The following DLG2 variants were observed in gnomAD, a reference collection of about 807,000 sequenced individuals.
DLG2 encodes discs large MAGUK scaffold protein 2.
A neutral mutation model predicts 132.5 loss-of-function variants in DLG2; 45 were observed. That is an observed-to-expected ratio of 0.34 (90% CI 0.27 to 0.44). The LOEUF is 0.44. Ranked by LOEUF, DLG2 falls within the 20% of genes least tolerant of loss-of-function variation. The pLI, the probability that DLG2 is intolerant of heterozygous loss-of-function variation, is 1.00. For synonymous variants in DLG2, 424 were observed against 419.6 expected (o/e 1.01, Z -0.13); for missense variants, 1,045 against 1,196.9 (o/e 0.87, Z 1.87).
chr11:85,407,546 G>A (rs1412511312), intron 3 of DLG2, among the ~76,000 whole-genome samples: 1 of 151,868 alleles, frequency 6.6e-6, no homozygotes, highest in Non-Finnish European at 1.5e-5. Flanking sequence ...TCCTTCTGAA[G>A]TGGACTAGGA....
intron 6 of DLG2, among the ~76,000 whole-genome samples, chr11:84,823,922 C>T (rs1454331664): frequency 6.6e-6 from 1 of 151,838 alleles, no homozygotes; most frequent in Non-Finnish European, 1.5e-5. Flanking sequence ...ACGGCTCTGT[C>T]CATTACTGCA....
intron 14 of DLG2, among the ~76,000 whole-genome samples, chr11:83,931,782 A>G (rs561846825): frequency 6.6e-6 from 1 of 152,310 alleles, no homozygotes; most frequent in South Asian, 2.1e-4. Context: ...TGGTGTTTGG[A>G]GCAGGCTTTA....
At chr11:85,543,536 G>T (rs2076109228) in intron 3 of DLG2, among the ~76,000 whole-genome samples, 1 of 152,262 alleles carries the variant, frequency 6.6e-6, no homozygotes. Flanking sequence ...GGTATTTCTA[G>T]TTCTAGATCC....
intron 3 of DLG2, among the ~76,000 whole-genome samples, chr11:85,489,940 C>T (rs2093519131): frequency 6.6e-6 from 1 of 151,996 alleles, no homozygotes; most frequent in African/African-American, 2.4e-5. Context: ...TGTGGTGCAG[C>T]ACTTTGGGAG....
intron 7 of DLG2, among the ~76,000 whole-genome samples, chr11:84,528,109 C>A (rs1377059360): frequency 6.6e-6 from 1 of 152,156 alleles, no homozygotes; most frequent in Non-Finnish European, 1.5e-5. Context: ...TTCCCCATTA[C>A]TTAGTGCTAT....
chr11:84,431,985 G>C (rs1287205600), intron 7 of DLG2, among the ~76,000 whole-genome samples: 3 of 152,090 alleles, frequency 2.0e-5, no homozygotes, highest in African/African-American at 7.2e-5. Context: ...ACAACTATGT[G>C]TCAAGCATTC....
chr11:85,356,341 C>T (rs951399243), intron 3 of DLG2, among the ~76,000 whole-genome samples: 1 of 151,926 alleles, frequency 6.6e-6, no homozygotes, highest in Admixed American at 6.6e-5. Flanking sequence ...CTGTTTACTT[C>T]AAACTGAGGA....
chr11:84,407,836 A>G (rs953425607), intron 7 of DLG2, among the ~76,000 whole-genome samples: 9 of 152,238 alleles, frequency 5.9e-5, no homozygotes, highest in Non-Finnish European at 1.2e-4. Flanking sequence ...TGTCACAGTC[A>G]AGAACTGTCC....
At chr11:84,281,363 GAA>G (rs887466449) in intron 7 of DLG2, among the ~76,000 whole-genome samples, 9 of 151,972 alleles carry the variant, frequency 5.9e-5, no homozygotes, top group African/African-American at 2.2e-4. Context: ...GCCACAGAAT[GAA>G]AAGAGATACT....
chr11:84,438,691 G>C (rs1251393309), intron 7 of DLG2, among the ~76,000 whole-genome samples: 1 of 152,146 alleles, frequency 6.6e-6, no homozygotes, highest in Non-Finnish European at 1.5e-5. Context: ...TCAATGCTAA[G>C]AGACAACTGT....
At chr11:85,576,335 C>A (rs935327607) in intron 3 of DLG2, among the ~76,000 whole-genome samples, 6 of 152,090 alleles carry the variant, frequency 3.9e-5, no homozygotes, top group African/African-American at 1.4e-4. Flanking sequence ...CAAGAGATTG[C>A]CTAGCAATGC....
intron 17 of DLG2, chr11:83,790,451 T>C (rs1566972912): frequency 8.6e-7 from 1 of 1,161,190 alleles, no homozygotes; most frequent in Non-Finnish European, 1.3e-6. Context: ...AAGATCTTTT[T>C]AGCTCCTCTG....
intron 5 of DLG2, among the ~76,000 whole-genome samples, chr11:85,153,312 A>G (rs1313367888): frequency 2.0e-5 from 3 of 152,106 alleles, no homozygotes; most frequent in African/African-American, 7.2e-5. Flanking sequence ...ATCTCCTCTA[A>G]AGGTATTTTC....
chr11:84,387,573 G>C (rs1212197334), intron 7 of DLG2, among the ~76,000 whole-genome samples: 1 of 152,062 alleles, frequency 6.6e-6, no homozygotes, highest in Admixed American at 6.6e-5. Flanking sequence ...CTTTTGCTAG[G>C]TGTGGTTGGG....
intron 6 of DLG2, among the ~76,000 whole-genome samples, chr11:85,047,206 G>T (rs2062432070): frequency 6.6e-6 from 1 of 151,826 alleles, no homozygotes; most frequent in Non-Finnish European, 1.5e-5. Context: ...TTTACCAAGT[G>T]CTTGCTGTTC....
chr11:83,922,389 A>G (rs1003860851), intron 15 of DLG2, among the ~76,000 whole-genome samples: 1 of 152,076 alleles, frequency 6.6e-6, no homozygotes, highest in African/African-American at 2.4e-5. Flanking sequence ...GTGATCACCT[A>G]CTTCAAAAAG....
At chr11:84,273,193 G>T in intron 7 of DLG2, 1 of 1,570,288 alleles carries the variant, frequency 6.4e-7, no homozygotes, top group Non-Finnish European at 8.6e-7. Flanking sequence ...ATTGTTTTAA[G>T]GAAGCAATAG....
intron 12 of DLG2, among the ~76,000 whole-genome samples, chr11:83,966,550 A>C: frequency 6.6e-6 from 1 of 152,006 alleles, no homozygotes; most frequent in East Asian, 1.9e-4. Context: ...AACTTTGAGG[A>C]AATTAGAATA....
At chr11:83,992,500 G>A (rs1174282017) in intron 11 of DLG2, among the ~76,000 whole-genome samples, 1 of 151,840 alleles carries the variant, frequency 6.6e-6, no homozygotes, top group East Asian at 1.9e-4. Context: ...CCCTGCAGAG[G>A]GAAATATATA....
Sources: allele counts gnomAD v4.1 joint callset (sites outside exome capture counted in the v4.1 genomes callset), GRCh38; gene constraint gnomAD v4.1.1; transcripts MANE v1.5; gene names NCBI Gene and HGNC (gene_info 2026-07-23, HGNC 2026-07-21).